Variants in PACRGL observed in about 807,000 individuals in gnomAD.
PACRGL encodes parkin coregulated like.
Under a neutral mutation model 34.5 loss-of-function variants are expected in PACRGL, and 38 were observed. The observed-to-expected ratio is 1.10, with a 90% CI of 0.85 to 1.44. The LOEUF (loss-of-function observed/expected upper bound fraction) is 1.44, where lower values mean the gene tolerates loss of function less well. Among genes scored for constraint, PACRGL ranks in the 40% most tolerant of loss-of-function variants. The probability of loss-of-function intolerance (pLI) is 0.00; values close to 1 mark genes in which losing one functional copy is unlikely to be tolerated. For synonymous variants in PACRGL, 128 were observed against 100.1 expected (o/e 1.28, Z -1.66); for missense variants, 305 against 281.4 (o/e 1.08, Z -0.60).
At chr4:20,764,147 A>C in the PACRGL span, among the ~76,000 whole-genome samples, 11 of 152,238 alleles carry the variant, frequency 7.2e-5, no homozygotes, top group East Asian at 9.7e-4. Flanking sequence ...ATTTTGTCTG[A>C]TTATTAGCAA....
chr4:20,703,671 A>G (rs1733302665), intron 1 of PACRGL, among the ~76,000 whole-genome samples: 1 of 152,078 alleles, frequency 6.6e-6, no homozygotes, highest in African/African-American at 2.4e-5. Flanking sequence ...TTGAGAGATA[A>G]TTTCATTTGC....
chr4:20,757,064 T>A (rs1262291475), downstream of PACRGL, among the ~76,000 whole-genome samples: 3 of 152,150 alleles, frequency 2.0e-5, no homozygotes, highest in Non-Finnish European at 4.4e-5. Context: ...GCACCTCAGA[T>A]GTAATTTGTC....
In PACRGL at chr4:20,731,643, T is replaced by A. The variant is rs746595807; in HGVS notation, c.*4302T>A. 1.0e-6 allele frequency: 1 copy of A among 985,178 alleles called. No homozygotes were observed. Among genetic ancestry groups the A allele is most frequent in the Non-Finnish European group, 1.2e-6 (1 of 829,834 alleles). 61.0% of individuals were successfully genotyped at this position (985,178 alleles called of 1,614,324 possible). On this transcript the variant is annotated 3_prime_UTR_variant, in exon 9 of 9. Coordinates refer to ENST00000503585, the MANE Select transcript of PACRGL (RefSeq NM_001258345.3). Reference sequence around the variant, plus strand: ...ATACTTGGCTATCTAGGAATTCTAATGCTGTGGAGATATGATAGATAATAT... The same window carrying A: ...ATACTTGGCTATCTAGGAATTCTAAAGCTGTGGAGATATGATAGATAATAT...
chr4:20,726,277 T>C (rs1464470275), intron 8 of PACRGL, among the ~76,000 whole-genome samples: 1 of 151,680 alleles, frequency 6.6e-6, no homozygotes, highest in African/African-American at 2.4e-5. Flanking sequence ...ATCCCAGAAA[T>C]ATCAAATTCT....
intron 7 of PACRGL, among the ~76,000 whole-genome samples, chr4:20,723,576 A>C (rs1458571139): frequency 6.6e-6 from 1 of 152,148 alleles, no homozygotes; most frequent in Admixed American, 6.6e-5. Flanking sequence ...TCAGTCAAGC[A>C]AGGCTTCCTA....
chr4:20,732,085 C>CA lies in PACRGL; in HGVS notation c.*4749dup, dbSNP rs111474115. 0.48 allele frequency: 750,134 copies of CA among 1,557,298 alleles called. 185,273 individuals are homozygous for CA. Among genetic ancestry groups the CA allele is most frequent in the African/African-American group, 0.6 (43,973 of 73,730 alleles). ...GTCCATTTTCTGTTCAGGAAGAAAA[C>CA]AAAAATTGTATTTAGACTTATCCCT... On this transcript the variant is annotated 3_prime_UTR_variant, in exon 9 of 9. Coordinates refer to ENST00000503585, the MANE Select transcript of PACRGL (RefSeq NM_001258345.3).
the PACRGL span, among the ~76,000 whole-genome samples, chr4:20,765,755 A>G: frequency 0.16 from 24,428 of 152,190 alleles, 2,566 homozygotes; most frequent in Admixed American, 0.32. Context: ...TATGATCACA[A>G]CACAATAAAA....
At chr4:20,755,833 G>C (rs1009690278), downstream of PACRGL, among the ~76,000 whole-genome samples, 2 of 152,144 alleles carry the variant, frequency 1.3e-5, no homozygotes, top group African/African-American at 4.8e-5. Flanking sequence ...CCCAGGAGCA[G>C]CATCATGGCT....
chr4:20,704,445 T>C (rs1428090238), intron 1 of PACRGL, 21 bp from the exon 2 acceptor site: 2 of 423,712 alleles, frequency 4.7e-6, no homozygotes, highest in Admixed American at 4.1e-5. Flanking sequence ...TGAAATCAAC[T>C]TTTTTTTTTT....
At chr4:20,723,432 T>C (rs1332880955) in intron 7 of PACRGL, among the ~76,000 whole-genome samples, 1 of 151,350 alleles carries the variant, frequency 6.6e-6, no homozygotes, top group East Asian at 1.9e-4. Context: ...TTTTTTTGTT[T>C]TTTTGTTTTT....
At chr4:20,736,668 G>C (rs1318257304), downstream of PACRGL, among the ~76,000 whole-genome samples, 1 of 151,906 alleles carries the variant, frequency 6.6e-6, no homozygotes, top group Non-Finnish European at 1.5e-5. Context: ...TCTTGAACTT[G>C]AGAATATTTC....
the PACRGL span, among the ~76,000 whole-genome samples, chr4:20,763,857 G>A: frequency 6.6e-6 from 1 of 152,116 alleles, no homozygotes; most frequent in South Asian, 2.1e-4. Flanking sequence ...GCCTCCCACT[G>A]ATGTTGTAAC....
downstream of PACRGL, among the ~76,000 whole-genome samples, chr4:20,736,845 C>T (rs1475729149): frequency 6.6e-6 from 1 of 152,020 alleles, no homozygotes; most frequent in Non-Finnish European, 1.5e-5. Flanking sequence ...CCTGAATAGC[C>T]CAGTCAATTT....
In PACRGL at chr4:20,752,220, G is replaced by A. The variant is rs762254065; in HGVS notation, c.*57-345G>A. On this transcript the variant is annotated intron_variant, in intron 8 of 8. Transcript: ENST00000507634. ...ATTACAGGCACCTGCCACCATGCCC[G>A]GCGAATTTTTGTATGTTTAGTAGAG... Among the ~76,000 whole-genome samples, 17 of 151,692 alleles carry A rather than the reference G, an allele frequency of 1.1e-4. 1 individual carries two copies. The highest frequency in any genetic ancestry group is 4.2e-4 in the South Asian group (2 of 4,788).
At chr4:20,764,595 C>T in the PACRGL span, among the ~76,000 whole-genome samples, 1 of 151,826 alleles carries the variant, frequency 6.6e-6, no homozygotes, top group Non-Finnish European at 1.5e-5. Flanking sequence ...TTTCCAGAAA[C>T]GCTGCATCCA....
rs547041473 is a variant in PACRGL, at chr4:20,729,204, A to C, written c.*1863A>C. 5 of 152,004 alleles carry C rather than the reference A, an allele frequency of 3.3e-5. No individual in the cohort carries two copies. In the East Asian group the frequency reaches 1.0e-3, roughly 31 times the overall value. 9.4% of individuals were successfully genotyped at this position (152,004 alleles called of 1,614,324 possible). ...AGATTTGGCCTTTAATGCTGTTAGG[A>C]TTACTTGTTATTAAGCATTACTATA... On this transcript the variant is annotated 3_prime_UTR_variant, in exon 9 of 9. Transcript: ENST00000503585.
intron 8 of PACRGL, 110 bp from the exon 9 acceptor site, chr4:20,727,175 C>T: frequency 1.2e-6 from 1 of 857,824 alleles, no homozygotes. Flanking sequence ...TTGTTCTTAC[C>T]CCTTTTTGTT....
chr4:20,731,688 G>A lies in PACRGL; in HGVS notation c.*4347G>A. 1 of 985,180 alleles carries A rather than the reference G, an allele frequency of 1.0e-6. No individual in the cohort carries two copies. Among genetic ancestry groups the A allele is most frequent in the Non-Finnish European group, 1.2e-6 (1 of 829,804 alleles). 61.0% of individuals were successfully genotyped at this position (985,180 alleles called of 1,614,324 possible). On this transcript the variant is annotated 3_prime_UTR_variant, in exon 9 of 9. Transcript: ENST00000503585. ...TAATATATGAGTGATGCTAAGTTTT[G>A]GCAAAGAGCAATTCAAATCTCATGT... is the stretch of plus-strand genomic sequence containing the variant.
chr4:20,749,322 T>C (rs1381240285), intron 8 of PACRGL, among the ~76,000 whole-genome samples: 1 of 152,132 alleles, frequency 6.6e-6, no homozygotes, highest in Non-Finnish European at 1.5e-5. Flanking sequence ...CTTTTGACTT[T>C]ATCATCTTTG....
Sources: gnomAD v4.1 joint callset for allele counts (sites outside exome capture counted in the v4.1 genomes callset) on GRCh38, gnomAD v4.1.1 for gene constraint, MANE v1.5 for transcripts, NCBI Gene and HGNC (gene_info 2026-07-23, HGNC 2026-07-21) for gene names.